Variants in GREB1 observed in about 807,000 individuals in gnomAD.
GREB1 encodes the protein growth regulating estrogen receptor binding 1, also known as protein GREB1.
GREB1 carries 106 observed loss-of-function variants against 200.7 expected under a neutral mutation model. The observed-to-expected ratio is 0.53, with a 90% confidence interval of 0.45 to 0.62. The LOEUF (loss-of-function observed/expected upper bound fraction) is 0.62, where lower values mean the gene tolerates loss of function less well. GREB1 is among the 20% of genes least tolerant of loss of function. The probability of loss-of-function intolerance (pLI) is 0.00; values close to 1 mark genes in which losing one functional copy is unlikely to be tolerated. For synonymous variants in GREB1, 1,132 were observed against 1,092.4 expected, an observed-to-expected ratio of 1.04 and a Z score of -0.72; for missense variants, 2,243 against 2,556.8, an observed-to-expected ratio of 0.88 and a Z score of 2.65.
At chr2:11,619,105 C>G (rs1683784668) in intron 22 of GREB1, among the ~76,000 whole-genome samples, 186 bp downstream of exon 22, 1 of 152,176 alleles carries the variant, frequency 6.6e-6, no homozygotes, top group Admixed American at 6.5e-5. Context: ...CCACTCAGGG[C>G]TGGTGGCTTC....
intron 1 of GREB1, among the ~76,000 whole-genome samples, chr2:11,523,870 A>G (rs1223185009): frequency 6.6e-6 from 1 of 152,124 alleles, no homozygotes. Context: ...TCTGCTCTCT[A>G]GATTGGTTCA....
At chr2:11,571,126 G>A (rs13425712) in intron 4 of GREB1, among the ~76,000 whole-genome samples, 7,147 of 152,056 alleles carry the variant, frequency 0.047, 514 homozygotes, top group African/African-American at 0.15. Flanking sequence ...TGTTCCCCAG[G>A]TTTTGTTTTT....
intron 1 of GREB1, among the ~76,000 whole-genome samples, chr2:11,546,163 C>T (rs553058795): frequency 6.8e-6 from 1 of 147,940 alleles, no homozygotes; most frequent in East Asian, 2.0e-4. Context: ...GGTGACAGAG[C>T]GAGATTCCGT....
chr2:11,585,144 C>CT lies in GREB1; in HGVS notation c.902-16dup, dbSNP rs1444229873. The CT allele has an allele frequency of 6.9e-7, 1 of 1,449,510 alleles. No individual in the cohort carries two copies. The highest frequency in any genetic ancestry group is 1.3e-5 in the South Asian group (1 of 76,960). The allele number at this position is 1,449,510 out of a possible 1,614,324, so 89.8% of individuals were successfully genotyped here. A position where few individuals can be genotyped will look rare whatever the true frequency, so the allele number is the denominator to read the frequency against. On this transcript the variant is annotated splice_polypyrimidine_tract_variant and intron_variant, in intron 7 of 32. Coordinates refer to ENST00000381486, the MANE Select transcript of GREB1 (RefSeq NM_014668.4). ...TGTCCTGGTGATAGCCTAATCCACA[C>CT]TCTGAATATTGTCTAGGTATCTTGT...
At chr2:11,524,928 T>C (rs182632052) in intron 1 of GREB1, among the ~76,000 whole-genome samples, 1 of 152,360 alleles carries the variant, frequency 6.6e-6, no homozygotes, top group African/African-American at 2.4e-5. Context: ...GAAACGCTGT[T>C]GTTTTTCTGG....
chr2:11,515,108 TTCCATCCA>T (rs71393889), intron 1 of GREB1, among the ~76,000 whole-genome samples: 1 of 142,950 alleles, frequency 7.0e-6, no homozygotes, highest in Non-Finnish European at 1.5e-5. Context: ...CTATCCATCC[TTCCATCCA>T]TCCATCCATC....
rs1411361014 is a variant in GREB1, at chr2:11,492,616, G to A, written c.-159+10235G>A. Among the ~76,000 whole-genome samples the A allele has an allele frequency of 6.6e-6, 1 of 152,214 alleles. No homozygotes were observed. The highest frequency in any genetic ancestry group is 2.4e-5 in the African/African-American group (1 of 41,458). On this transcript the variant is annotated intron_variant, in intron 1 of 2. Coordinates refer to the GREB1 transcript ENST00000628795. The surrounding 1 kb of genome is among the most constrained non-coding windows in gnomAD (Gnocchi z 4.0). ...CACTGGGGCCTGTGAGTGCATGAAT[G>A]GGGGTGGGGACAGTGGGAATCAAGT...
intron 20 of GREB1, among the ~76,000 whole-genome samples, chr2:11,616,131 G>C (rs1683380635): frequency 6.6e-6 from 1 of 152,206 alleles, no homozygotes; most frequent in African/African-American, 2.4e-5. Context: ...TTCACCATCT[G>C]CTTCTCTCTA....
chr2:11,524,907 C>T (rs1209833450), intron 1 of GREB1, among the ~76,000 whole-genome samples: 3 of 152,166 alleles, frequency 2.0e-5, no homozygotes, highest in Non-Finnish European at 4.4e-5. Context: ...CATCTATGGG[C>T]GGGTCTTCTA....
rs1675503881 is a variant in GREB1, at chr2:11,548,392, A to G, written c.-161-8062A>G. ...CACACACATACACACACCCACATAC[A>G]TACACATACACATGCCTTTCCCTTT... On this transcript the variant is annotated intron_variant, in intron 1 of 32. Coordinates refer to ENST00000381486, the MANE Select transcript of GREB1 (RefSeq NM_014668.4). The surrounding 1 kb of genome is among the most constrained non-coding windows in gnomAD (Gnocchi z 5.1). 6.6e-6 allele frequency among the ~76,000 whole-genome samples: 1 copy of G among 150,574 alleles called. No individual in the cohort carries two copies. Among genetic ancestry groups the G allele is most frequent in the Non-Finnish European group, 1.5e-5 (1 of 68,016 alleles).
At position 11,616,562 on chromosome 2, in the gene GREB1, T is replaced by C. The variant is rs896432677; in HGVS notation, c.3323-69T>C. The C allele has an allele frequency of 6.3e-5, 59 of 943,948 alleles. No homozygotes were observed. The Admixed American group carries it at 9.4e-4, about 15-fold the overall frequency. 58.5% of individuals were successfully genotyped at this position (943,948 alleles called of 1,614,324 possible). A position where few individuals can be genotyped will look rare whatever the true frequency, so the allele number is the denominator to read the frequency against. On this transcript the variant is annotated intron_variant, in intron 20 of 32. Transcript: ENST00000381486. Reference sequence around the variant, plus strand: ...ATGCATGGGAACACACTTTACACACTGTGAAGTGCTGGGCAAATGTCAGGA... The same window carrying C: ...ATGCATGGGAACACACTTTACACACCGTGAAGTGCTGGGCAAATGTCAGGA...
chr2:11,619,386 G>A (rs956400024), intron 22 of GREB1, among the ~76,000 whole-genome samples: 1 of 152,178 alleles, frequency 6.6e-6, no homozygotes, highest in Non-Finnish European at 1.5e-5. Flanking sequence ...TCTCCTGTGC[G>A]TGAGCCTGTG....
At chr2:11,607,425 T>G (rs909736034) in intron 17 of GREB1, among the ~76,000 whole-genome samples, 1 of 57,148 alleles carries the variant, frequency 1.7e-5, no homozygotes, top group African/African-American at 5.3e-5. Context: ...ATCCAGTATA[T>G]GTATGTGTGT....
chr2:11,578,666 G>C (rs887254088), intron 6 of GREB1, among the ~76,000 whole-genome samples: 1 of 152,144 alleles, frequency 6.6e-6, no homozygotes, highest in African/African-American at 2.4e-5. Flanking sequence ...TCCCCTGGTG[G>C]GGACATATGC....
intron 4 of GREB1, among the ~76,000 whole-genome samples, chr2:11,569,996 G>A (rs1440776591): frequency 2.0e-5 from 3 of 152,164 alleles, no homozygotes; most frequent in Non-Finnish European, 4.4e-5. Context: ...TTACCAACAC[G>A]TGGCCAGTCT....
chr2:11,577,214 C>G (rs1479334573), intron 5 of GREB1, among the ~76,000 whole-genome samples: 3 of 146,858 alleles, frequency 2.0e-5, no homozygotes, highest in African/African-American at 8.2e-5. Context: ...GGCCATAACT[C>G]AAGACAAGTT....
At chr2:11,542,414 G>A (rs1674846711) in intron 1 of GREB1, among the ~76,000 whole-genome samples, 1 of 152,066 alleles carries the variant, frequency 6.6e-6, no homozygotes, top group African/African-American at 2.4e-5. Context: ...ATCATCGGCA[G>A]AGTCAATGCC....
intron 1 of GREB1, among the ~76,000 whole-genome samples, chr2:11,488,527 A>T (rs1018754572): frequency 6.6e-6 from 1 of 152,216 alleles, no homozygotes; most frequent in Non-Finnish European, 1.5e-5. Flanking sequence ...GCAGTGGCTC[A>T]TGCCTGTAAT....
At chr2:11,638,486 A>G (rs1195233526) in intron 31 of GREB1, among the ~76,000 whole-genome samples, 185 bp from the exon 32 acceptor site, 1 of 152,224 alleles carries the variant, frequency 6.6e-6, no homozygotes, top group Admixed American at 6.5e-5. Context: ...ATAAATCTGG[A>G]TAAAACTTCC....
Sources: gnomAD v4.1 joint callset for allele counts (sites outside exome capture counted in the v4.1 genomes callset) on GRCh38, gnomAD v4.1.1 for gene constraint, Gnocchi (gnomAD v3.1) non-coding constraint, MANE v1.5 for transcripts, NCBI Gene and HGNC (gene_info 2026-07-23, HGNC 2026-07-21) for gene names.